The following AKAP6 variants were observed in gnomAD, a reference collection of about 807,000 sequenced individuals.
The protein encoded by AKAP6 is A-kinase anchoring protein 6.
A neutral mutation model predicts 188.5 loss-of-function variants in AKAP6; 58 were observed. The observed-to-expected ratio is 0.31, with a 90% CI of 0.25 to 0.38. The LOEUF (loss-of-function observed/expected upper bound fraction) is 0.38, where lower values mean the gene tolerates loss of function less well. AKAP6 is among the 10% of genes least tolerant of loss of function. The pLI, the probability that AKAP6 is intolerant of heterozygous loss-of-function variation, is 1.00. For missense variants in AKAP6, 2,710 were observed against 2,740.0 expected, an observed-to-expected ratio of 0.99 and a Z score of 0.24; for synonymous variants, 989 against 998.6, an observed-to-expected ratio of 0.99 and a Z score of 0.18.
At chr14:32,334,246 T>G (rs1886619782) in intron 1 of AKAP6, among the ~76,000 whole-genome samples, 1 of 152,164 alleles carries the variant, frequency 6.6e-6, no homozygotes. Flanking sequence ...AATGGAAGAT[T>G]GCAGAAATAA....
At chr14:32,695,455 A>G (rs932210530) in intron 8 of AKAP6, among the ~76,000 whole-genome samples, 3 of 152,360 alleles carry the variant, frequency 2.0e-5, no homozygotes, top group African/African-American at 4.8e-5. Flanking sequence ...GATAGTATAT[A>G]TCAATATATT....
At chr14:32,549,036 CAA>C (rs1043318435) in intron 4 of AKAP6, among the ~76,000 whole-genome samples, 1 of 152,028 alleles carries the variant, frequency 6.6e-6, no homozygotes, top group Non-Finnish European at 1.5e-5. Context: ...GGTTTATAAA[CAA>C]AGAGGAAAAA....
At chr14:32,359,824 G>A (rs1468247622) in intron 1 of AKAP6, among the ~76,000 whole-genome samples, 2 of 152,166 alleles carry the variant, frequency 1.3e-5, no homozygotes, top group Non-Finnish European at 2.9e-5. Context: ...CAAAAGTGAT[G>A]TACCTTTCTC....
chr14:32,656,620 A>G (rs1888465645), intron 7 of AKAP6, among the ~76,000 whole-genome samples: 1 of 152,204 alleles, frequency 6.6e-6, no homozygotes, highest in African/African-American at 2.4e-5. Flanking sequence ...AATGAAGGGG[A>G]ATACATACGT....
Position 32,697,496 on chromosome 14 carries a change from A to T in AKAP6, c.3000+1386A>T, listed in dbSNP as rs191065956. Among the ~76,000 whole-genome samples, 9 of 152,310 alleles carry T rather than the reference A, an allele frequency of 5.9e-5. No individual in the cohort carries two copies. The East Asian group carries it at 1.5e-3, about 26-fold the overall frequency. ...CTTCACATTTCACATCAGGATCAGG[A>T]ATTACATATGAAAACGTGCATATAA... On this transcript the variant is annotated intron_variant, in intron 9 of 13. Transcript: ENST00000280979.
chr14:32,644,438 G>A (rs926993205), intron 7 of AKAP6, among the ~76,000 whole-genome samples: 28 of 152,174 alleles, frequency 1.8e-4, no homozygotes, highest in African/African-American at 6.8e-4. Flanking sequence ...CTGGAGCAAA[G>A]AATTAACATG....
intron 1 of AKAP6, among the ~76,000 whole-genome samples, chr14:32,386,242 T>A (rs1387332096): frequency 6.6e-6 from 1 of 152,080 alleles, no homozygotes; most frequent in African/African-American, 2.4e-5. Flanking sequence ...AAGTGTTCCC[T>A]GTTCACCACA....
chr14:32,701,922 T>A (rs866322666), intron 9 of AKAP6, among the ~76,000 whole-genome samples: 1 of 152,148 alleles, frequency 6.6e-6, no homozygotes, highest in South Asian at 2.1e-4. Context: ...TAAAAAAAAA[T>A]TCACATGGTG....
At chr14:32,417,965 T>A (rs751159816) in intron 1 of AKAP6, 37 of 152,150 alleles carry the variant, frequency 2.4e-4, no homozygotes, top group Non-Finnish European at 4.1e-4. Context: ...AGTATCCAAA[T>A]CAGTGTCTGA....
intron 1 of AKAP6, among the ~76,000 whole-genome samples, chr14:32,400,562 G>GTAAAAAAAAAAAAA (rs1566483544): frequency 5.5e-4 from 1 of 1,832 alleles, no homozygotes; most frequent in Non-Finnish European, 4.3e-3. Flanking sequence ...TCCACTTTTA[G>GTAAAAAAAAAAAAA]CAAAAAAAAA....
chr14:32,380,460 G>A (rs1229658326), intron 1 of AKAP6, among the ~76,000 whole-genome samples: 1 of 152,194 alleles, frequency 6.6e-6, no homozygotes, highest in East Asian at 1.9e-4. Flanking sequence ...GTACAAACTA[G>A]CAAATGTTTG....
intron 1 of AKAP6, among the ~76,000 whole-genome samples, chr14:32,429,681 T>C (rs1008985903): frequency 6.6e-6 from 1 of 152,224 alleles, no homozygotes; most frequent in Non-Finnish European, 1.5e-5. Flanking sequence ...GGAAAGTAAA[T>C]AGAAGTTGAA....
rs185373737 is a variant in AKAP6, at chr14:32,504,047, G to A, written c.325-31507G>A. Among the ~76,000 whole-genome samples, 59 of 151,736 alleles carry A rather than the reference G, an allele frequency of 3.9e-4. No homozygotes were observed. In the Middle Eastern group the frequency reaches 0.014, roughly 35 times the overall value. On this transcript the variant is annotated intron_variant, in intron 2 of 13. Transcript: ENST00000280979. ...GAGGTTGCTATTTTGAGGATATGGA[G>A]TTTTCCTATCCAATAATATATTTTA...
chr14:32,731,576 C>A (rs1400215318), intron 9 of AKAP6, among the ~76,000 whole-genome samples: 1 of 152,064 alleles, frequency 6.6e-6, no homozygotes, highest in Non-Finnish European at 1.5e-5. Context: ...TGGAAATGTG[C>A]TGAAAATGTA....
At chr14:32,572,275 T>C (rs1051883673) in intron 4 of AKAP6, among the ~76,000 whole-genome samples, 1 of 152,250 alleles carries the variant, frequency 6.6e-6, no homozygotes, top group Non-Finnish European at 1.5e-5. Flanking sequence ...CGAAGATTTG[T>C]GGTGACAACA....
intron 12 of AKAP6, among the ~76,000 whole-genome samples, chr14:32,810,765 G>T (rs755716557): frequency 1.3e-5 from 2 of 152,032 alleles, no homozygotes; most frequent in Non-Finnish European, 2.9e-5. Flanking sequence ...TTATCTTTAT[G>T]AGAGGCTATT....
intron 2 of AKAP6, among the ~76,000 whole-genome samples, chr14:32,466,904 A>G (rs1470767433): frequency 6.9e-6 from 1 of 144,268 alleles, no homozygotes; most frequent in East Asian, 2.0e-4. Flanking sequence ...AAAACAAAAC[A>G]ATTGAGGAAA....
At chr14:32,538,679 T>C (rs1882791808) in intron 3 of AKAP6, among the ~76,000 whole-genome samples, 1 of 152,154 alleles carries the variant, frequency 6.6e-6, no homozygotes, top group African/African-American at 2.4e-5. Flanking sequence ...CAATTTTCTA[T>C]ATTCCAGACA....
At position 32,507,947 on chromosome 14, in the gene AKAP6, G is replaced by T. The variant is rs548268449; in HGVS notation, c.325-27607G>T. ...GTAGACTGGGAAGCAGCTGATAATGGTAGAAAGGAACAAGCCATGGCCTGC... is the reference window on the plus strand; with the variant it reads ...GTAGACTGGGAAGCAGCTGATAATGTTAGAAAGGAACAAGCCATGGCCTGC... On this transcript the variant is annotated intron_variant, in intron 2 of 13. Transcript: ENST00000280979. Among the ~76,000 whole-genome samples the T allele has an allele frequency of 3.9e-5, 6 of 152,294 alleles. No individual in the cohort carries two copies. In the South Asian group the frequency reaches 1.2e-3, roughly 32 times the overall value.
Sources: gnomAD v4.1 joint callset for allele counts (sites outside exome capture counted in the v4.1 genomes callset) on GRCh38, gnomAD v4.1.1 for gene constraint, MANE v1.5 for transcripts, NCBI Gene and HGNC (gene_info 2026-07-23, HGNC 2026-07-21) for gene names.